TPTE2: variants seen among roughly 807,000 people sequenced by gnomAD.
The protein encoded by TPTE2 is transmembrane phosphoinositide 3-phosphatase and tensin homolog 2, also known as phosphatidylinositol 3,4,5-trisphosphate 3-phosphatase TPTE2.
A neutral mutation model predicts 78.6 loss-of-function variants in TPTE2; 53 were observed. The observed-to-expected ratio is 0.67, with a 90% CI of 0.54 to 0.85. The LOEUF (loss-of-function observed/expected upper bound fraction) is 0.85, where lower values mean the gene tolerates loss of function less well. TPTE2 is among the 40% of genes least tolerant of loss of function. The probability of loss-of-function intolerance (pLI) is 0.00; values close to 1 mark genes in which losing one functional copy is unlikely to be tolerated. For missense variants in TPTE2, 461 were observed against 623.0 expected, an observed-to-expected ratio of 0.74 and a Z score of 2.77; for synonymous variants, 175 against 206.2, an observed-to-expected ratio of 0.85 and a Z score of 1.30.
At chr13:19,459,003 T>TCC (rs923505836) in intron 10 of TPTE2, among the ~76,000 whole-genome samples, 9 of 152,242 alleles carry the variant, frequency 5.9e-5, no homozygotes, top group Non-Finnish European at 8.8e-5. Flanking sequence ...CACACTGTCT[T>TCC]CCACATGGGT....
chr13:19,500,344 CA>C (rs1348479391), intron 1 of TPTE2, among the ~76,000 whole-genome samples: 5 of 150,966 alleles, frequency 3.3e-5, no homozygotes, highest in Admixed American at 3.3e-4. Context: ...AGAGACACAA[CA>C]AAAAAAGAGA....
intron 18 of TPTE2, chr13:19,425,623 C>A: frequency 2.3e-6 from 1 of 431,656 alleles, no homozygotes; most frequent in Non-Finnish European, 4.6e-6. Flanking sequence ...GTGACCACCT[C>A]TCAGTCACAG....
upstream of TPTE2, among the ~76,000 whole-genome samples, chr13:19,539,777 G>A (rs1360394494): frequency 6.6e-6 from 1 of 152,096 alleles, no homozygotes; most frequent in Non-Finnish European, 1.5e-5. Context: ...TCTTTTTCAA[G>A]AGTATTTTGG....
rs369398011 is a variant in TPTE2, at chr13:19,492,833, A to G, written c.119+17T>C. On this transcript the variant is annotated intron_variant, in intron 3 of 19. Coordinates refer to ENST00000400230, the Ensembl canonical transcript of TPTE2. Reference sequence around the variant, plus strand: ...CACTCTTATGCATACGTGTGTCTTCATGTATTTATAACTCACCTTTTACTG... The same window carrying G: ...CACTCTTATGCATACGTGTGTCTTCGTGTATTTATAACTCACCTTTTACTG... 2 of 1,613,670 alleles carry G rather than the reference A, an allele frequency of 1.2e-6. No homozygotes were observed. Among genetic ancestry groups the G allele is most frequent in the African/African-American group, 1.3e-5 (1 of 74,920 alleles).
intron 17 of TPTE2, among the ~76,000 whole-genome samples, chr13:19,428,458 A>G (rs967750259): frequency 3.7e-4 from 57 of 152,138 alleles, no homozygotes; most frequent in Non-Finnish European, 2.5e-4. Flanking sequence ...CAGAAAAAAA[A>G]GAAAAGAAAA....
intron 10 of TPTE2, among the ~76,000 whole-genome samples, chr13:19,451,968 T>C (rs1380585202): frequency 2.0e-5 from 3 of 152,102 alleles, no homozygotes; most frequent in Non-Finnish European, 4.4e-5. Flanking sequence ...CACATACGTA[T>C]ATATCTCTGT....
At chr13:19,465,123 C>T in intron 9 of TPTE2, 132 bp downstream of exon 12, 1 of 1,196,622 alleles carries the variant, frequency 8.4e-7, no homozygotes, top group East Asian at 2.4e-5. Context: ...AAATATGTCA[C>T]ACTATCACAG....
Position 19,431,086 on chromosome 13 carries a change from C to G in TPTE2, c.1223-539G>C, listed in dbSNP as rs371175840. On this transcript the variant is annotated intron_variant, in intron 16 of 19. Coordinates refer to ENST00000400230, the Ensembl canonical transcript of TPTE2. Reference sequence around the variant, plus strand: ...AGGCTGCAGTGAGCTGAGATCACACCACTGCACTCCAGCCTGGGTGACAGA... The same window carrying G: ...AGGCTGCAGTGAGCTGAGATCACACGACTGCACTCCAGCCTGGGTGACAGA... 2.7e-3 allele frequency among the ~76,000 whole-genome samples: 407 copies of G among 150,546 alleles called. 9 individuals are homozygous for G. The South Asian group carries it at 0.044, about 16-fold the overall frequency.
chr13:19,467,164 GC>G (rs2137571058), intron 7 of TPTE2, 60 bp downstream of exon 10: 1 of 1,454,126 alleles, frequency 6.9e-7, no homozygotes, highest in African/African-American at 1.4e-5. Flanking sequence ...TAGAATAAAA[GC>G]CACAGAAAAT....
intron 4 of TPTE2, among the ~76,000 whole-genome samples, chr13:19,479,831 T>C (rs1344329485): frequency 1.3e-5 from 2 of 151,776 alleles, no homozygotes; most frequent in Non-Finnish European, 1.5e-5. Flanking sequence ...GGCGTGGTGG[T>C]GCGTGACTGT....
intron 1 of TPTE2, among the ~76,000 whole-genome samples, chr13:19,530,162 C>T (rs1031332791): frequency 5.3e-5 from 8 of 152,292 alleles, no homozygotes; most frequent in African/African-American, 1.4e-4. Context: ...GTCTGCTGAT[C>T]TAGGGTTTAA....
chr13:19,477,479 C>G (rs938373267), intron 4 of TPTE2, among the ~76,000 whole-genome samples: 2 of 152,176 alleles, frequency 1.3e-5, no homozygotes, highest in Non-Finnish European at 2.9e-5. Flanking sequence ...CCCACCACCT[C>G]CGCCCAGGCT....
the TPTE2 span, among the ~76,000 whole-genome samples, chr13:19,556,939 T>C: frequency 1.3e-5 from 2 of 152,238 alleles, no homozygotes; most frequent in African/African-American, 4.8e-5. Context: ...GAGGACACTC[T>C]TATTTCTGTT....
rs543148026 is a variant in TPTE2, at chr13:19,524,459, C to T, written c.-44+12137G>A. On this transcript the variant is annotated intron_variant, in intron 1 of 17. Coordinates refer to the TPTE2 transcript ENST00000390680. ...GAAACCAGGCAAATCATCTCAATTC[C>T]AGTCTCTCAGGATACCCAAAGTTAA... Among the ~76,000 whole-genome samples, 3 of 152,234 alleles carry T rather than the reference C, an allele frequency of 2.0e-5. No individual in the cohort carries two copies. In the South Asian group the frequency reaches 6.2e-4, roughly 32 times the overall value.
chr13:19,450,680 T>C (rs1878119008), intron 11 of TPTE2, among the ~76,000 whole-genome samples: 1 of 152,190 alleles, frequency 6.6e-6, no homozygotes, highest in Non-Finnish European at 1.5e-5. Context: ...CCTGAAAATG[T>C]CTATTGAGTA....
At chr13:19,471,537 T>C (rs1396159283) in intron 6 of TPTE2, among the ~76,000 whole-genome samples, 2 of 152,220 alleles carry the variant, frequency 1.3e-5, no homozygotes, top group African/African-American at 2.4e-5. Flanking sequence ...AACAAACAAG[T>C]AAAAAGGAAA....
the TPTE2 span, among the ~76,000 whole-genome samples, chr13:19,547,225 G>A: frequency 6.6e-6 from 1 of 152,208 alleles, no homozygotes; most frequent in South Asian, 2.1e-4. Context: ...GGGAGGCTGA[G>A]GCGGGTGGAT....
chr13:19,428,131 G>A (rs1243371021), intron 17 of TPTE2, among the ~76,000 whole-genome samples: 1 of 152,100 alleles, frequency 6.6e-6, no homozygotes, highest in Non-Finnish European at 1.5e-5. Context: ...GAGAGAAAAA[G>A]ACGAGCAATA....
intron 10 of TPTE2, among the ~76,000 whole-genome samples, chr13:19,453,831 T>C (rs190959535): frequency 3.5e-4 from 53 of 152,254 alleles, no homozygotes; most frequent in African/African-American, 1.3e-3. Context: ...GGTAATTGTA[T>C]ACCTGATTTT....
Sources: allele counts gnomAD v4.1 joint callset (sites outside exome capture counted in the v4.1 genomes callset), GRCh38; gene constraint gnomAD v4.1.1; transcripts MANE v1.5; gene names NCBI Gene and HGNC (gene_info 2026-07-23, HGNC 2026-07-21).